The following IGSF21 variants were observed in gnomAD, a reference collection of about 807,000 sequenced individuals.
The protein encoded by IGSF21 is immunoglobulin superfamily member 21.
Under a neutral mutation model 46.8 loss-of-function variants are expected in IGSF21, and 28 were observed. That is an observed-to-expected ratio of 0.60 (90% confidence interval 0.44 to 0.82). The LOEUF (loss-of-function observed/expected upper bound fraction) is 0.82, where lower values mean the gene tolerates loss of function less well. Among genes scored for constraint, IGSF21 ranks in the 40% least tolerant of loss-of-function variants. The probability of loss-of-function intolerance (pLI) is 0.00; values close to 1 mark genes in which losing one functional copy is unlikely to be tolerated. For synonymous variants in IGSF21, 284 were observed against 273.6 expected, an observed-to-expected ratio of 1.04 and a Z score of -0.38; for missense variants, 624 against 665.5, an observed-to-expected ratio of 0.94 and a Z score of 0.69.
intron 6 of IGSF21, among the ~76,000 whole-genome samples, chr1:18,368,842 A>G (rs1553167234): frequency 6.6e-6 from 1 of 152,202 alleles, no homozygotes; most frequent in Non-Finnish European, 1.5e-5. Flanking sequence ...AAGGCCAGAT[A>G]CAGACTTCAA....
At chr1:18,122,515 C>A (rs1306014748) in intron 1 of IGSF21, among the ~76,000 whole-genome samples, 2 of 151,894 alleles carry the variant, frequency 1.3e-5, no homozygotes, top group Non-Finnish European at 2.9e-5. Context: ...ATTTTTTACA[C>A]CATCATTTTC....
At chr1:18,126,732 G>C (rs77066647) in intron 1 of IGSF21, among the ~76,000 whole-genome samples, 2 of 151,984 alleles carry the variant, frequency 1.3e-5, no homozygotes, top group African/African-American at 2.4e-5. Flanking sequence ...CCCATGCTTC[G>C]TTATGTTTTA....
intron 1 of IGSF21, among the ~76,000 whole-genome samples, chr1:18,153,223 C>T (rs2086536577): frequency 6.6e-6 from 1 of 152,196 alleles, no homozygotes; most frequent in East Asian, 1.9e-4. Flanking sequence ...GGAGGCATTC[C>T]CGGGCGTTGC....
Position 18,138,960 on chromosome 1 carries a change from A to G in IGSF21, c.70+30762A>G, listed in dbSNP as rs575630343. 3.5e-4 allele frequency among the ~76,000 whole-genome samples: 54 copies of G among 152,304 alleles called. No individual in the cohort carries two copies. In the South Asian group the frequency reaches 0.01, roughly 29 times the overall value. ...CAGACCTGTCATTTTGTCTTCAAGC[A>G]CTTAGTAAGCACCTGCTGAGTGCCA... On this transcript the variant is annotated intron_variant, in intron 1 of 9. Coordinates refer to ENST00000251296, the MANE Select transcript of IGSF21 (RefSeq NM_032880.5).
chr1:18,305,578 T>TGGATGGATTATGG (rs1557635311), intron 3 of IGSF21, among the ~76,000 whole-genome samples: 1 of 47,768 alleles, frequency 2.1e-5, no homozygotes. Flanking sequence ...ATGGATGGAT[T>TGGATGGATTATGG]ATGGATGGAT....
chr1:18,136,918 C>G (rs557326645), intron 1 of IGSF21, among the ~76,000 whole-genome samples: 4 of 152,218 alleles, frequency 2.6e-5, no homozygotes, highest in Non-Finnish European at 5.9e-5. Context: ...TTGTTTGTAT[C>G]CTCTTTAATT....
chr1:18,209,048 C>A (rs904749253), intron 1 of IGSF21, among the ~76,000 whole-genome samples: 5 of 152,258 alleles, frequency 3.3e-5, no homozygotes, highest in South Asian at 2.1e-4. Flanking sequence ...AAGGTGGGAA[C>A]TTTCTGGGTT....
Position 18,335,146 on chromosome 1 carries a change from T to C in IGSF21, c.424+136T>C, listed in dbSNP as rs1569832280. ...TGTTGTGCTGGTGTCTTCCCTTTCC[T>C]GCTCTTGTTGTGGAGGGGCAACCAG... On this transcript the variant is annotated intron_variant, in intron 4 of 9. Coordinates refer to ENST00000251296, the MANE Select transcript of IGSF21 (RefSeq NM_032880.5). The surrounding 1 kb of genome is among the most constrained non-coding windows in gnomAD (Gnocchi z 4.8). The C allele has an allele frequency of 1.4e-5, 10 of 702,218 alleles. No homozygotes were observed. The East Asian group carries it at 2.5e-4, about 17-fold the overall frequency. 43.5% of individuals were successfully genotyped at this position (702,218 alleles called of 1,614,324 possible).
At chr1:18,171,855 A>G (rs2086740474) in intron 1 of IGSF21, among the ~76,000 whole-genome samples, 1 of 152,256 alleles carries the variant, frequency 6.6e-6, no homozygotes, top group African/African-American at 2.4e-5. Flanking sequence ...GTCTAAGGCT[A>G]AGCCAATCCT....
intron 1 of IGSF21, chr1:18,113,715 CAA>C (rs1472933451): frequency 6.8e-6 from 1 of 147,738 alleles, no homozygotes; most frequent in Non-Finnish European, 1.5e-5. Context: ...CGGAGTGTCA[CAA>C]AGACTGAGAG....
chr1:18,290,377 C>T lies in IGSF21; in HGVS notation c.184-1489C>T, dbSNP rs938834413. On this transcript the variant is annotated intron_variant, in intron 2 of 9. Transcript: ENST00000251296. The surrounding 1 kb of genome is among the most constrained non-coding windows in gnomAD (Gnocchi z 4.2). ...CCGACAGAGATAGGAGGGGTGTGGG[C>T]TTACGGAGGGGTAAGGAGAAGCCGT... Among the ~76,000 whole-genome samples the T allele has an allele frequency of 6.6e-6, 1 of 152,172 alleles. No homozygotes were observed. Among genetic ancestry groups the T allele is most frequent in the Non-Finnish European group, 1.5e-5 (1 of 68,020 alleles).
rs369527105 is a variant in IGSF21 at position 18,314,499 on chromosome 1, C to T, written c.306-20393C>T. ...TTAATTGAGTGGGTTTGACTGGTAT[C>T]GTGGGCCGGGCCCTCTGCTACGGCC... On this transcript the variant is annotated intron_variant, in intron 3 of 9. Coordinates refer to ENST00000251296, the MANE Select transcript of IGSF21 (RefSeq NM_032880.5). Among the ~76,000 whole-genome samples, 31 of 152,278 alleles carry T rather than the reference C, an allele frequency of 2.0e-4. No homozygotes were observed. In the East Asian group the frequency reaches 5.4e-3, roughly 27 times the overall value.
chr1:18,267,123 G>C (rs1209270163), intron 2 of IGSF21, among the ~76,000 whole-genome samples: 1 of 152,196 alleles, frequency 6.6e-6, no homozygotes, highest in East Asian at 1.9e-4. Flanking sequence ...AGTAGGACAG[G>C]GTAAGCATTG....
chr1:18,201,703 AT>A (rs1219354418), intron 1 of IGSF21, among the ~76,000 whole-genome samples: 1 of 151,818 alleles, frequency 6.6e-6, no homozygotes, highest in Admixed American at 6.6e-5. Flanking sequence ...CTGCCCTCTC[AT>A]TGGGGTGTGT....
At chr1:18,149,936 T>C (rs1047839445) in intron 1 of IGSF21, among the ~76,000 whole-genome samples, 5 of 152,110 alleles carry the variant, frequency 3.3e-5, no homozygotes, top group African/African-American at 9.7e-5. Flanking sequence ...ATAATTACAT[T>C]TTCATTTATT....
intron 4 of IGSF21, among the ~76,000 whole-genome samples, chr1:18,340,568 G>C (rs964250245): frequency 4.6e-5 from 7 of 152,162 alleles, no homozygotes; most frequent in African/African-American, 1.7e-4. Context: ...ATAGCTTCAT[G>C]GTACAGAGGA....
chr1:18,153,811 C>T (rs57201670), intron 1 of IGSF21, among the ~76,000 whole-genome samples: 14 of 152,250 alleles, frequency 9.2e-5, no homozygotes, highest in East Asian at 1.9e-4. Context: ...CGATTCCCCA[C>T]GCAGCGTCTG....
chr1:18,230,813 G>T (rs1347076888), intron 2 of IGSF21, among the ~76,000 whole-genome samples: 1 of 152,082 alleles, frequency 6.6e-6, no homozygotes, highest in Admixed American at 6.6e-5. Flanking sequence ...AATGGGAGCA[G>T]CAGCAACAGG....
chr1:18,285,043 C>T (rs537102843), intron 2 of IGSF21, among the ~76,000 whole-genome samples: 4 of 152,168 alleles, frequency 2.6e-5, no homozygotes, highest in Non-Finnish European at 4.4e-5. Flanking sequence ...CACTCTCTGC[C>T]ACTATTACAC....
Sources: allele counts gnomAD v4.1 joint callset (sites outside exome capture counted in the v4.1 genomes callset), GRCh38; gene constraint gnomAD v4.1.1; non-coding constraint Gnocchi (gnomAD v3.1); transcripts MANE v1.5; gene names NCBI Gene and HGNC (gene_info 2026-07-23, HGNC 2026-07-21).